The following SLC12A7 variants were observed in gnomAD, a reference collection of about 807,000 sequenced individuals.
The protein encoded by SLC12A7 is K-Cl cotransporter 4.
In SLC12A7, 100 loss-of-function variants were observed where a neutral mutation model predicts 120.6. The ratio of observed to expected loss-of-function variants is 0.83; its 90% confidence interval spans 0.71 to 0.98. The LOEUF (loss-of-function observed/expected upper bound fraction) is 0.98. Among genes scored for constraint, SLC12A7 ranks in the 50% least tolerant of loss-of-function variants. The pLI is 0.00. For missense variants in SLC12A7, 1,373 were observed against 1,548.1 expected (o/e 0.89, Z 1.90); for synonymous variants, 760 against 678.0 (o/e 1.12, Z -1.88).
At chr5:1,139,280 C>T in the SLC12A7 span, among the ~76,000 whole-genome samples, 1 of 152,270 alleles carries the variant, frequency 6.6e-6, no homozygotes, top group Non-Finnish European at 1.5e-5. Context: ...GTAACAGCAT[C>T]TCCCCAGGAC....
At chr5:1,099,620 C>G (rs185768200) in intron 1 of SLC12A7, among the ~76,000 whole-genome samples, 6 of 152,340 alleles carry the variant, frequency 3.9e-5, no homozygotes, top group Admixed American at 3.3e-4. Context: ...AAGACGAACC[C>G]GTTTCTGACT....
the SLC12A7 span, among the ~76,000 whole-genome samples, chr5:1,128,019 G>A: frequency 2.4e-4 from 37 of 152,206 alleles, no homozygotes; most frequent in African/African-American, 5.5e-4. Flanking sequence ...GGTGACAGGC[G>A]CGTGATCTCT....
intron 3 of SLC12A7, among the ~76,000 whole-genome samples, chr5:1,092,613 G>A (rs184684297): frequency 6.6e-6 from 1 of 152,314 alleles, no homozygotes; most frequent in East Asian, 1.9e-4. Flanking sequence ...TGCCGAAGGA[G>A]GGGGGCACAG....
intron 6 of SLC12A7, among the ~76,000 whole-genome samples, chr5:1,086,242 C>A (rs1313491646): frequency 6.6e-6 from 1 of 152,200 alleles, no homozygotes; most frequent in East Asian, 1.9e-4. Flanking sequence ...GGAACCAGGT[C>A]TGGCAGCAGA....
chr5:1,097,072 G>A (rs1337684627), intron 1 of SLC12A7, among the ~76,000 whole-genome samples: 1 of 152,162 alleles, frequency 6.6e-6, no homozygotes, highest in Admixed American at 6.5e-5. Context: ...AGCCCTGCCT[G>A]CCCTTCTCCA....
At chr5:1,079,564 C>CAT in intron 9 of SLC12A7, 68 bp from the exon 10 acceptor site, 1 of 1,346,592 alleles carries the variant, frequency 7.4e-7, no homozygotes, top group Non-Finnish European at 1.1e-6. Context: ...CAGCCCCTGC[C>CAT]CAGAAAGCTG....
the SLC12A7 span, among the ~76,000 whole-genome samples, chr5:1,144,535 G>A: frequency 2.6e-5 from 4 of 152,222 alleles, no homozygotes; most frequent in East Asian, 3.9e-4. Flanking sequence ...TCCGGGTCAC[G>A]CTGGGTGGAG....
the SLC12A7 span, among the ~76,000 whole-genome samples, chr5:1,129,549 G>A: frequency 0.09 from 13,719 of 152,108 alleles, 820 homozygotes; most frequent in South Asian, 0.2. Flanking sequence ...AAACCACAGC[G>A]TCCCAGGCGA....
chr5:1,050,566 A>T lies in SLC12A7; in HGVS notation c.*1794T>A, dbSNP rs766036411. On this transcript the variant is annotated 3_prime_UTR_variant, in exon 24 of 24. Coordinates refer to ENST00000264930, the MANE Select transcript of SLC12A7 (RefSeq NM_006598.3). Reference sequence around the variant, plus strand: ...GCGGGGGCAGAGCTGAGCCCTCAGGAGGTGGTTTCGTGTGCAGAACTGAGC... The same window carrying T: ...GCGGGGGCAGAGCTGAGCCCTCAGGTGGTGGTTTCGTGTGCAGAACTGAGC... 1.3e-5 allele frequency: 4 copies of T among 309,392 alleles called. No homozygotes were observed. Among genetic ancestry groups the T allele is most frequent in the Non-Finnish European group, 2.3e-5 (4 of 170,310 alleles). 19.2% of individuals were successfully genotyped at this position (309,392 alleles called of 1,614,324 possible).
chr5:1,126,557 GT>G, the SLC12A7 span, among the ~76,000 whole-genome samples: 1 of 152,100 alleles, frequency 6.6e-6, no homozygotes, highest in Admixed American at 6.6e-5. Flanking sequence ...GTGTCATGGG[GT>G]TTGTTGTACA....
the SLC12A7 span, among the ~76,000 whole-genome samples, chr5:1,139,461 C>A: frequency 6.6e-6 from 1 of 152,254 alleles, no homozygotes; most frequent in South Asian, 2.1e-4. Flanking sequence ...GGAGCTGGGG[C>A]GGTTGACACT....
Position 1,076,787 on chromosome 5 carries a change from C to G in SLC12A7, c.1655G>C (p.Gly552Ala). The change falls in exon 13 of 24, where the codon GGG (glycine) becomes GCG (alanine). Residue 552 changes from glycine (G) to alanine (A), a missense_variant. By Grantham distance (60) the Gly-to-Ala change is moderately conservative (BLOSUM62 0). Transcript: ENST00000264930. ...LQVFGHGKAN[G>A]EPTWALLLTV... Reference sequence around the variant, plus strand: ...CAGCAGCAGCGCCCACGTGGGCTCCCCGTTGGCCTTCCCGTGGCCAAACAC... The same window carrying G: ...CAGCAGCAGCGCCCACGTGGGCTCCGCGTTGGCCTTCCCGTGGCCAAACAC... 6.2e-7 allele frequency: 1 copy of G among 1,610,558 alleles called. No individual in the cohort carries two copies. Among genetic ancestry groups the G allele is most frequent in the Non-Finnish European group, 8.5e-7 (1 of 1,179,886 alleles).
chr5:1,101,927 A>G (rs1402904521), intron 1 of SLC12A7, among the ~76,000 whole-genome samples: 2 of 152,148 alleles, frequency 1.3e-5, no homozygotes, highest in African/African-American at 4.8e-5. Flanking sequence ...ACCTACCAAG[A>G]GCCTCCCACC....
chr5:1,065,517 G>A (rs752308559), intron 17 of SLC12A7, 39 bp from the exon 18 acceptor site: 2 of 1,514,124 alleles, frequency 1.3e-6, no homozygotes, highest in African/African-American at 2.8e-5. Flanking sequence ...CAGCAGGAAT[G>A]GGGTGCACAG....
At chr5:1,109,780 C>T (rs572278002) in intron 1 of SLC12A7, among the ~76,000 whole-genome samples, 32 of 152,394 alleles carry the variant, frequency 2.1e-4, no homozygotes, top group Admixed American at 1.7e-3. Flanking sequence ...ATCAGCCCAC[C>T]AGGCCCCCCA....
intron 1 of SLC12A7, among the ~76,000 whole-genome samples, chr5:1,102,876 C>G (rs1742152015): frequency 6.6e-6 from 1 of 152,146 alleles, no homozygotes; most frequent in African/African-American, 2.4e-5. Context: ...AGGAGCACCC[C>G]CCACCCAACC....
intron 20 of SLC12A7, 133 bp from the exon 21 acceptor site, chr5:1,060,584 C>T: frequency 1.5e-6 from 1 of 662,786 alleles, no homozygotes; most frequent in Non-Finnish European, 2.6e-6. Flanking sequence ...CCCACAGGCC[C>T]CCTCTGGCTC....
upstream of SLC12A7, among the ~76,000 whole-genome samples, chr5:1,115,125 G>T (rs11954838): frequency 0.17 from 25,966 of 152,206 alleles, 2,309 homozygotes; most frequent in Non-Finnish European, 0.18. Context: ...TGCCCAGGGG[G>T]CCTCTTCAAA....
At chr5:1,086,813 CTG>C in intron 6 of SLC12A7, 88 bp downstream of exon 6, 1 of 1,525,062 alleles carries the variant, frequency 6.6e-7, no homozygotes, top group Non-Finnish European at 8.9e-7. Flanking sequence ...GCTCAGTGTG[CTG>C]TGTGTGCCAC....
Sources: allele counts gnomAD v4.1 joint callset (sites outside exome capture counted in the v4.1 genomes callset), GRCh38; gene constraint gnomAD v4.1.1; transcripts MANE v1.5; gene names NCBI Gene and HGNC (gene_info 2026-07-23, HGNC 2026-07-21).